Variants in LRRC71 observed in about 807,000 individuals in gnomAD.
The protein encoded by LRRC71 is leucine-rich repeat-containing protein 71.
In LRRC71, 54 loss-of-function variants were observed where a neutral mutation model predicts 66.6. That is an observed-to-expected ratio of 0.81 (90% CI 0.65 to 1.02). The LOEUF (loss-of-function observed/expected upper bound fraction) is 1.02, where lower values mean the gene tolerates loss of function less well. LRRC71 is among the 50% of genes least tolerant of loss of function. The probability of loss-of-function intolerance (pLI) is 0.00; values close to 1 mark genes in which losing one functional copy is unlikely to be tolerated. For missense variants in LRRC71, 724 were observed against 718.0 expected (o/e 1.01, Z -0.10); for synonymous variants, 323 against 303.9 (o/e 1.06, Z -0.65).
the LRRC71 span, chr1:156,938,660 G>A: frequency 4.7e-6 from 3 of 641,274 alleles, no homozygotes; most frequent in East Asian, 5.7e-5. Context: ...GATCATACAC[G>A]ATGACATCCC....
chr1:156,924,067 C>T lies in LRRC71; in HGVS notation c.279C>T (p.Pro93=), dbSNP rs1430988600. The change falls in exon 2 of 15, where the codon CCC becomes CCT. Residue 93 remains proline (P), a synonymous_variant. Coordinates refer to ENST00000337428, the MANE Select transcript of LRRC71 (RefSeq NM_144702.3). Reference sequence around the variant, plus strand: ...CCCGCCCCCACCCGCCCTTCGTCCCCTCCGCCTCTTTGTCGGAAAAGGCCA... The same window carrying T: ...CCCGCCCCCACCCGCCCTTCGTCCCTTCCGCCTCTTTGTCGGAAAAGGCCA... ...NRPRPHPPFV[P]SASLSEKATL... is the part of the protein sequence containing the mutation. 7 of 1,548,666 alleles carry T rather than the reference C, an allele frequency of 4.5e-6. No individual in the cohort carries two copies. In the Middle Eastern group the frequency reaches 6.0e-4, roughly 133 times the overall value.
Position 156,924,504 on chromosome 1 carries a change from G to C in LRRC71, c.391G>C (p.Glu131Gln). 1 of 1,551,398 alleles carries C rather than the reference G, an allele frequency of 6.4e-7. No individual in the cohort carries two copies. Among genetic ancestry groups the C allele is most frequent in the South Asian group, 1.2e-5 (1 of 84,060 alleles). The part of the protein sequence containing the change: ...YVFFRPTIQV[E>Q]LEQEDSKSVK... ...GTTCTTCCGGCCCACCATCCAGGTGGAGCTGGAGCAGGAGGACAGCAAGTC... is the reference window on the plus strand; with the variant it reads ...GTTCTTCCGGCCCACCATCCAGGTGCAGCTGGAGCAGGAGGACAGCAAGTC... The change falls in exon 3 of 15, where the codon GAG becomes CAG. Residue 131 changes from glutamate (E) to glutamine (Q), a missense_variant. Coordinates refer to ENST00000337428, the MANE Select transcript of LRRC71 (RefSeq NM_144702.3).
the LRRC71 span, chr1:156,940,041 T>A: frequency 5.5e-6 from 8 of 1,453,950 alleles, no homozygotes; most frequent in Non-Finnish European, 6.4e-6. Context: ...TCTGGCCAAC[T>A]AGCTGGTGGG....
At chr1:156,929,517 C>G in intron 10 of LRRC71, 88 bp downstream of exon 10, 1 of 1,576,482 alleles carries the variant, frequency 6.3e-7, no homozygotes, top group Admixed American at 1.8e-5. Context: ...GGGAAGAAGG[C>G]CACATGGGCC....
chr1:156,938,343 G>A, the LRRC71 span: 9 of 1,402,254 alleles, frequency 6.4e-6, no homozygotes, highest in African/African-American at 9.9e-5. Flanking sequence ...ACCATGGGCA[G>A]GGGTCCGACT....
At chr1:156,938,557 A>C in the LRRC71 span, 2 of 1,577,214 alleles carry the variant, frequency 1.3e-6, no homozygotes, top group Non-Finnish European at 1.7e-6. Flanking sequence ...AGACCAAAAC[A>C]CAAGGAAAGG....
chr1:156,924,222 G>A, intron 2 of LRRC71, 124 bp downstream of exon 2: 2 of 1,270,796 alleles, frequency 1.6e-6, no homozygotes, highest in Non-Finnish European at 1.1e-6. Flanking sequence ...GGCGGTATTC[G>A]ACGAGGCCGG....
rs890134044 is a variant in LRRC71, at chr1:156,929,691, C to A, written c.1202C>A (p.Thr401Asn). The change falls in exon 11 of 15, where the codon ACC becomes AAC. Residue 401 changes from threonine (T) to asparagine (N), a missense_variant. Physicochemically the swap from Thr to Asn is moderately conservative, Grantham distance 65. Coordinates refer to ENST00000337428, the MANE Select transcript of LRRC71 (RefSeq NM_144702.3). Reference protein sequence around the residue: ...LGSGQSPTQGTPKKEDATKAG... With the variant: ...LGSGQSPTQGNPKKEDATKAG... The stretch of plus-strand genomic sequence containing the variant: ...TCTGGGCAGTCACCCACACAAGGAA[C>A]CCCTAAGAAGGAAGATGCCACAAAG... 102 of 1,580,902 alleles carry A rather than the reference C, an allele frequency of 6.5e-5. No homozygotes were observed. Among genetic ancestry groups the A allele is most frequent in the Non-Finnish European group, 7.7e-5 (90 of 1,163,510 alleles).
At chr1:156,924,236 G>A in intron 2 of LRRC71, 138 bp downstream of exon 2, 1 of 1,226,558 alleles carries the variant, frequency 8.2e-7, no homozygotes, top group Non-Finnish European at 1.1e-6. Context: ...AGGCCGGTGG[G>A]GAGGTGGGGG....
At chr1:156,934,563 A>ATG (rs1175967568), downstream of LRRC71, among the ~76,000 whole-genome samples, 1 of 151,982 alleles carries the variant, frequency 6.6e-6, no homozygotes, top group Non-Finnish European at 1.5e-5. Context: ...ATATCTATAT[A>ATG]TGTGTGTATA....
At chr1:156,928,563 C>CA (rs1653777004) in intron 9 of LRRC71, among the ~76,000 whole-genome samples, 2 of 80,244 alleles carry the variant, frequency 2.5e-5, no homozygotes, top group South Asian at 5.6e-4. Context: ...CTTCTTCTTA[C>CA]TTTTTTTTTT....
chr1:156,930,550 A>C lies in LRRC71; in HGVS notation c.1262A>C (p.Lys421Thr), dbSNP rs1467432243. Residue 421 changes from lysine to threonine, a missense_variant, in exon 12 of 15, where the codon AAG becomes ACG. Coordinates refer to ENST00000337428, the MANE Select transcript of LRRC71 (RefSeq NM_144702.3). The stretch of plus-strand genomic sequence containing the variant: ...CCAGAGGTAACCATCCCTGAACAGA[A>C]GCCAAGCAGGGCAAAAGGGATCAAG... ...GKGKVTIPEQKPSRAKGIKIG... is the reference protein window; with the variant it reads ...GKGKVTIPEQTPSRAKGIKIG... 1 of 1,567,050 alleles carries C rather than the reference A, an allele frequency of 6.4e-7. No individual in the cohort carries two copies. The highest frequency in any genetic ancestry group is 8.7e-7 in the Non-Finnish European group (1 of 1,155,802).
chr1:156,933,757 C>G (rs1486854484), downstream of LRRC71, among the ~76,000 whole-genome samples: 2 of 152,218 alleles, frequency 1.3e-5, no homozygotes, highest in Non-Finnish European at 2.9e-5. Flanking sequence ...CTTCGGGGAG[C>G]CTACCTGTAA....
At chr1:156,939,191 T>G in the LRRC71 span, 15 of 298,880 alleles carry the variant, frequency 5.0e-5, no homozygotes, top group Middle Eastern at 1.1e-3. Context: ...GAAGAGTGGC[T>G]CTTTTCCCTG....
chr1:156,937,396 T>G (rs1655685824), downstream of LRRC71: 1 of 1,599,858 alleles, frequency 6.3e-7, no homozygotes, highest in Non-Finnish European at 8.5e-7. Flanking sequence ...CTGTCTGCCC[T>G]GCAGGGAGGC....
In LRRC71 at chr1:156,920,962, T is replaced by C. The variant is rs573203048; in HGVS notation, c.159T>C (p.Pro53=). The part of the protein sequence containing the change: ...PPVGEEEPKS[P]EEYQCSGVLE... ...TGGGGGAGGAGGAGCCCAAAAGCCC[T>C]GGTACGCTGGCGCCGGGGTTTGGGG... Residue 53 remains proline, a splice_region_variant and synonymous_variant, in exon 1 of 15, where the codon CCT becomes CCC. Coordinates refer to ENST00000337428, the MANE Select transcript of LRRC71 (RefSeq NM_144702.3). This position sits in a 1 kb window ranked among gnomAD's most constrained non-coding sequence, Gnocchi z 4.9. 1.3e-5 allele frequency: 20 copies of C among 1,502,148 alleles called. No homozygotes were observed. The African/African-American group carries it at 2.3e-4, about 17-fold the overall frequency. The allele number at this position is 1,502,148 out of a possible 1,614,324, so 93.1% of individuals were successfully genotyped here. A position where few individuals can be genotyped will look rare whatever the true frequency, so the allele number is the denominator to read the frequency against.
intron 1 of LRRC71, among the ~76,000 whole-genome samples, 176 bp downstream of exon 1, chr1:156,921,139 G>A (rs187145128): frequency 1.3e-5 from 2 of 152,316 alleles, no homozygotes; most frequent in Non-Finnish European, 2.9e-5. Flanking sequence ...CCACACTCTG[G>A]TTTGGGATGG....
At chr1:156,930,044 C>CTTTCTTTCTTTT (rs1553189668) in intron 11 of LRRC71, among the ~76,000 whole-genome samples, 8 of 127,970 alleles carry the variant, frequency 6.3e-5, no homozygotes, top group South Asian at 5.5e-4. Context: ...TTCTTTCTTT[C>CTTTCTTTCTTTT]TCTTTCTTTC....
chr1:156,940,184 C>G, the LRRC71 span: 5 of 1,547,510 alleles, frequency 3.2e-6, no homozygotes, highest in African/African-American at 2.7e-5. Context: ...CAGGGGCTGA[C>G]GGCAGGGCCT....
Sources: allele counts gnomAD v4.1 joint callset (sites outside exome capture counted in the v4.1 genomes callset), GRCh38; gene constraint gnomAD v4.1.1; non-coding constraint Gnocchi (gnomAD v3.1); transcripts MANE v1.5; gene names NCBI Gene and HGNC (gene_info 2026-07-23, HGNC 2026-07-21).